The following CADM1 variants were observed in gnomAD, a reference collection of about 807,000 sequenced individuals.
The protein encoded by CADM1 is cell adhesion molecule 1, also known as TSLC-1.
In CADM1, 15 loss-of-function variants were observed where a neutral mutation model predicts 53.1. The observed-to-expected ratio is 0.28, with a 90% CI of 0.19 to 0.44. The LOEUF (loss-of-function observed/expected upper bound fraction) is 0.44. CADM1 is among the 20% of genes least tolerant of loss of function. The probability of loss-of-function intolerance (pLI) is 1.00; values close to 1 mark genes in which losing one functional copy is unlikely to be tolerated. For synonymous variants in CADM1, 281 were observed against 243.0 expected (o/e 1.16, Z -1.45); for missense variants, 434 against 611.3 (o/e 0.71, Z 3.06).
intron 1 of CADM1, among the ~76,000 whole-genome samples, chr11:115,278,667 TAAG>T (rs1392423735): frequency 2.6e-5 from 4 of 152,242 alleles, no homozygotes; most frequent in East Asian, 1.9e-4. Context: ...CAGAAGTTTG[TAAG>T]AAGGACTGAA....
intron 6 of CADM1, among the ~76,000 whole-genome samples, chr11:115,216,953 G>C (rs918287914): frequency 2.0e-5 from 3 of 152,136 alleles, no homozygotes; most frequent in Non-Finnish European, 4.4e-5. Flanking sequence ...CTCTTTGAGG[G>C]AAAAAACAAA....
chr11:115,357,283 C>T (rs149026372), intron 1 of CADM1, among the ~76,000 whole-genome samples: 9 of 152,274 alleles, frequency 5.9e-5, no homozygotes, highest in Admixed American at 6.5e-5. Context: ...AGGAAAACAA[C>T]GCTGCTCTAT....
chr11:115,402,362 C>A lies in CADM1; in HGVS notation c.124+101909G>T, dbSNP rs555132680. 6.1e-3 allele frequency among the ~76,000 whole-genome samples: 928 copies of A among 151,948 alleles called. 9 individuals are homozygous for A. The highest frequency in any genetic ancestry group is 0.021 in the African/African-American group (886 of 41,480). On this transcript the variant is annotated intron_variant, in intron 1 of 11. Coordinates refer to ENST00000331581, the MANE Select transcript of CADM1 (RefSeq NM_001301043.2). ...ATATGGTGAAACCCTGTCTCTACTA[C>A]AAATACAAAAATTAGCTGGGTGTGG... is the stretch of plus-strand genomic sequence containing the variant.
chr11:115,370,563 G>A (rs1019879682), intron 1 of CADM1, among the ~76,000 whole-genome samples: 3 of 152,166 alleles, frequency 2.0e-5, no homozygotes, highest in African/African-American at 4.8e-5. Flanking sequence ...CACACAGAGA[G>A]ATGCTGGCTG....
chr11:115,322,585 C>T (rs1240096407), intron 1 of CADM1, among the ~76,000 whole-genome samples: 2 of 152,140 alleles, frequency 1.3e-5, no homozygotes, highest in African/African-American at 4.8e-5. Context: ...CTTATCCCAA[C>T]CCGTGGCAAC....
At chr11:115,484,363 G>C (rs1336488808) in intron 1 of CADM1, among the ~76,000 whole-genome samples, 1 of 152,102 alleles carries the variant, frequency 6.6e-6, no homozygotes, top group Non-Finnish European at 1.5e-5. Context: ...TGCTACACTA[G>C]GATTTGTTTT....
At chr11:115,385,125 T>C (rs1466417015) in intron 1 of CADM1, among the ~76,000 whole-genome samples, 1 of 151,670 alleles carries the variant, frequency 6.6e-6, no homozygotes, top group Non-Finnish European at 1.5e-5. Context: ...ATACTCATTT[T>C]AGTTTTTACC....
rs1271133652 is a variant in CADM1, at chr11:115,353,806, T to C, written c.125-113386A>G. Among the ~76,000 whole-genome samples the C allele has an allele frequency of 2.6e-5, 4 of 152,132 alleles. No individual in the cohort carries two copies. The East Asian group carries it at 7.7e-4, about 29-fold the overall frequency. The stretch of plus-strand genomic sequence containing the variant: ...AAGTGGGTAGACGTGATTGGTAGGA[T>C]GGGATTTGAGCCTTCCTGAGTCCCT... On this transcript the variant is annotated intron_variant, in intron 1 of 11. Transcript: ENST00000331581.
intron 1 of CADM1, among the ~76,000 whole-genome samples, chr11:115,480,257 G>T (rs1205702316): frequency 6.6e-6 from 1 of 152,128 alleles, no homozygotes; most frequent in African/African-American, 2.4e-5. Flanking sequence ...GGAAGAGAAA[G>T]AAAATGGTGT....
At chr11:115,319,431 G>A (rs973836692) in intron 1 of CADM1, among the ~76,000 whole-genome samples, 4 of 152,134 alleles carry the variant, frequency 2.6e-5, no homozygotes, top group African/African-American at 4.8e-5. Flanking sequence ...AGCACCATAC[G>A]TGCCCTGGAT....
intron 1 of CADM1, among the ~76,000 whole-genome samples, chr11:115,250,330 AT>A (rs1942561940): frequency 6.6e-6 from 1 of 152,204 alleles, no homozygotes; most frequent in Non-Finnish European, 1.5e-5. Flanking sequence ...CCAATTTAAT[AT>A]GATTTTCTCT....
At chr11:115,441,240 C>T (rs200590791) in intron 1 of CADM1, among the ~76,000 whole-genome samples, 38 of 152,090 alleles carry the variant, frequency 2.5e-4, no homozygotes, top group Admixed American at 1.9e-3. Flanking sequence ...TTCTCCCATT[C>T]CATGAAAAGG....
intron 1 of CADM1, among the ~76,000 whole-genome samples, chr11:115,355,194 G>C (rs1945833109): frequency 6.6e-6 from 1 of 152,178 alleles, no homozygotes; most frequent in Non-Finnish European, 1.5e-5. Context: ...TAATAGCAAA[G>C]ACATGGAATC....
chr11:115,315,100 C>T (rs1361933244), intron 1 of CADM1, among the ~76,000 whole-genome samples: 1 of 152,116 alleles, frequency 6.6e-6, no homozygotes, highest in South Asian at 2.1e-4. Flanking sequence ...TTTCAAAGTA[C>T]ATCCCTGTCA....
At position 115,231,527 on chromosome 11, in the gene CADM1, T is replaced by C. The variant is rs769450425; in HGVS notation, c.425-37A>G. 5 of 1,597,036 alleles carry C rather than the reference T, an allele frequency of 3.1e-6. No individual in the cohort carries two copies. The South Asian group carries it at 5.5e-5, about 18-fold the overall frequency. On this transcript the variant is annotated intron_variant, in intron 3 of 11. Coordinates refer to ENST00000331581, the MANE Select transcript of CADM1 (RefSeq NM_001301043.2). ...ACATATGTGCTTTATAAACACAGAA[T>C]GCATTTTTGCATTGTTGCTATCAAA...
At chr11:115,228,305 T>C (rs1941689383) in intron 5 of CADM1, among the ~76,000 whole-genome samples, 1 of 152,234 alleles carries the variant, frequency 6.6e-6, no homozygotes, top group Non-Finnish European at 1.5e-5. Context: ...CAATTTGTTA[T>C]GGCAGCCCTA....
chr11:115,422,102 A>G (rs1947771987), intron 1 of CADM1, among the ~76,000 whole-genome samples: 1 of 152,200 alleles, frequency 6.6e-6, no homozygotes. Context: ...TACGCAGCTG[A>G]ACTTAAAATC....
intron 1 of CADM1, among the ~76,000 whole-genome samples, chr11:115,383,615 C>A (rs145271691): frequency 1.3e-5 from 2 of 152,194 alleles, no homozygotes; most frequent in Admixed American, 1.3e-4. Flanking sequence ...TGGCTAAGTA[C>A]AGCTGTAGAA....
chr11:115,295,525 T>C (rs1270015970), intron 1 of CADM1, among the ~76,000 whole-genome samples: 1 of 80,936 alleles, frequency 1.2e-5, no homozygotes, highest in African/African-American at 9.5e-5. Flanking sequence ...TATATATATA[T>C]ATATATATAT....
Sources: allele counts gnomAD v4.1 joint callset (sites outside exome capture counted in the v4.1 genomes callset), GRCh38; gene constraint gnomAD v4.1.1; transcripts MANE v1.5; gene names NCBI Gene and HGNC (gene_info 2026-07-23, HGNC 2026-07-21).